Variants in BMPR1A observed in about 807,000 individuals in gnomAD.
The protein encoded by BMPR1A is bone morphogenetic protein receptor type-1A.
Under a neutral mutation model 66.0 loss-of-function variants are expected in BMPR1A, and 7 were observed. The observed-to-expected ratio is 0.11, with a 90% CI of 0.06 to 0.20. The LOEUF is 0.20. Among genes scored for constraint, BMPR1A ranks in the 10% least tolerant of loss-of-function variants. BMPR1A has a pLI of 1.00. For synonymous variants in BMPR1A, 200 were observed against 229.7 expected, an observed-to-expected ratio of 0.87 and a Z score of 1.17; for missense variants, 408 against 669.1, an observed-to-expected ratio of 0.61 and a Z score of 4.31.
chr10:86,782,625 T>C (rs1841454977), intron 1 of BMPR1A, among the ~76,000 whole-genome samples: 1 of 152,174 alleles, frequency 6.6e-6, no homozygotes, highest in Non-Finnish European at 1.5e-5. Context: ...TCATATTTTT[T>C]TTGGCCATTT....
In BMPR1A at chr10:86,845,423, C is replaced by T. The variant is rs114551565; in HGVS notation, c.-153+6444C>T. Among the ~76,000 whole-genome samples the T allele has an allele frequency of 8.5e-5, 13 of 152,288 alleles. No homozygotes were observed. In the East Asian group the frequency reaches 9.7e-4, roughly 11 times the overall value. ...AAGGTTGCTCCGTGAGCTTTAACTCCGGCAGGTCTGTGCTTGTGCCTCCAT... is the reference window on the plus strand; with the variant it reads ...AAGGTTGCTCCGTGAGCTTTAACTCTGGCAGGTCTGTGCTTGTGCCTCCAT... On this transcript the variant is annotated intron_variant, in intron 2 of 12. Transcript: ENST00000372037.
At position 86,803,615 on chromosome 10, in the gene BMPR1A, A is replaced by G. The variant is rs190723924; in HGVS notation, c.-267-35250A>G. Among the ~76,000 whole-genome samples the G allele has an allele frequency of 2.1e-3, 322 of 152,172 alleles. 1 individual carries two copies. Among genetic ancestry groups the G allele is most frequent in the Non-Finnish European group, 3.4e-3 (232 of 68,000 alleles). On this transcript the variant is annotated intron_variant, in intron 1 of 12. Coordinates refer to ENST00000372037, the MANE Select transcript of BMPR1A (RefSeq NM_004329.3). ...TTTCACCACTCTTTATTGATTTGAG[A>G]TGTTACTTTTATTATATTCTCATAT...
At chr10:86,868,602 G>A (rs1842813594) in intron 2 of BMPR1A, among the ~76,000 whole-genome samples, 1 of 152,194 alleles carries the variant, frequency 6.6e-6, no homozygotes, top group South Asian at 2.1e-4. Context: ...AGGGACCCCT[G>A]GAAAGGAGAG....
At chr10:86,768,954 ATGTT>A (rs1198049019) in intron 1 of BMPR1A, among the ~76,000 whole-genome samples, 7 of 152,222 alleles carry the variant, frequency 4.6e-5, no homozygotes, top group Non-Finnish European at 7.3e-5. Flanking sequence ...AGCTTAATGA[ATGTT>A]AGTGAAGATG....
At chr10:86,918,621 T>C (rs942938336) in intron 9 of BMPR1A, among the ~76,000 whole-genome samples, 3 of 150,498 alleles carry the variant, frequency 2.0e-5, no homozygotes, top group Non-Finnish European at 4.4e-5. Context: ...TCTTTCCTTT[T>C]CTTTTCTTTT....
chr10:86,821,978 A>AT (rs1842126075), intron 1 of BMPR1A, among the ~76,000 whole-genome samples: 4 of 151,874 alleles, frequency 2.6e-5, no homozygotes, highest in African/African-American at 2.4e-5. Flanking sequence ...TAATTTTTGT[A>AT]TTTTTTGTAG....
chr10:86,775,402 C>T (rs971511275), intron 1 of BMPR1A, among the ~76,000 whole-genome samples: 1 of 152,140 alleles, frequency 6.6e-6, no homozygotes, highest in Admixed American at 6.6e-5. Context: ...CTTTCAGTTT[C>T]CTGCTTATCT....
rs142716045 is a variant in BMPR1A at position 86,871,549 on chromosome 10, C to T, written c.-152-4318C>T. ...TCTAGGGCCAGGCGGTGGTGGCTCA[C>T]GCCTGTAATCCCAACACTTTGGGAG... On this transcript the variant is annotated intron_variant, in intron 2 of 12. Coordinates refer to ENST00000372037, the MANE Select transcript of BMPR1A (RefSeq NM_004329.3). Among the ~76,000 whole-genome samples, 20 of 152,280 alleles carry T rather than the reference C, an allele frequency of 1.3e-4. No individual in the cohort carries two copies. The East Asian group carries it at 3.7e-3, about 28-fold the overall frequency.
intron 1 of BMPR1A, among the ~76,000 whole-genome samples, chr10:86,809,539 C>G (rs1482629040): frequency 6.6e-6 from 1 of 151,532 alleles, no homozygotes; most frequent in Non-Finnish European, 1.5e-5. Context: ...AGTGATCCTC[C>G]TGCCTCAGTC....
downstream of BMPR1A, chr10:86,932,344 C>A (rs1224017315): frequency 1.3e-5 from 2 of 152,140 alleles, no homozygotes; most frequent in Non-Finnish European, 2.9e-5. Context: ...AATCTATAGA[C>A]CTTACTGAAG....
rs562295511 is a variant in BMPR1A, at chr10:86,863,326, ATG to A, written c.-152-12539_-152-12538del. Among the ~76,000 whole-genome samples the A allele has an allele frequency of 1.0e-3, 153 of 152,230 alleles. 1 individual carries two copies. Among genetic ancestry groups the A allele is most frequent in the African/African-American group, 3.5e-3 (144 of 41,536 alleles). On this transcript the variant is annotated intron_variant, in intron 2 of 12. Transcript: ENST00000372037. ...ATAGCAGCCTGTGTTTTCTTTTCAG[ATG>A]TTATCAAGTATCTTTTCTGGTAAGA...
intron 1 of BMPR1A, among the ~76,000 whole-genome samples, chr10:86,796,616 G>T (rs553653933): frequency 6.6e-6 from 1 of 150,766 alleles, no homozygotes; most frequent in Non-Finnish European, 1.5e-5. Context: ...TCTCTCTGTT[G>T]CCCAGGCTGG....
At chr10:86,858,473 G>T (rs904326781) in intron 2 of BMPR1A, among the ~76,000 whole-genome samples, 7 of 152,090 alleles carry the variant, frequency 4.6e-5, no homozygotes, top group African/African-American at 1.7e-4. Flanking sequence ...GGCAAGAGAA[G>T]GAAATAAAGG....
At chr10:86,775,326 C>A (rs1329743234) in intron 1 of BMPR1A, among the ~76,000 whole-genome samples, 2 of 152,138 alleles carry the variant, frequency 1.3e-5, no homozygotes, top group African/African-American at 4.8e-5. Flanking sequence ...TAATCTTTGG[C>A]CTGCTTGTCA....
chr10:86,911,202 A>G (rs1338837943), intron 7 of BMPR1A, among the ~76,000 whole-genome samples: 1 of 151,576 alleles, frequency 6.6e-6, no homozygotes, highest in Non-Finnish European at 1.5e-5. Flanking sequence ...ATATTTCTTG[A>G]CATTAGGATT....
chr10:86,766,786 T>A (rs1841170116), intron 1 of BMPR1A, among the ~76,000 whole-genome samples: 1 of 152,012 alleles, frequency 6.6e-6, no homozygotes, highest in African/African-American at 2.4e-5. Flanking sequence ...TTTTTTGTAT[T>A]TTTAGTGGAG....
At chr10:86,835,548 TCAAAA>T (rs1322038840) in intron 1 of BMPR1A, among the ~76,000 whole-genome samples, 52 of 11,276 alleles carry the variant, frequency 4.6e-3, no homozygotes, top group Non-Finnish European at 7.1e-3. Flanking sequence ...AGACTCTGTA[TCAAAA>T]AAAAAAAAAA....
chr10:86,804,949 G>C (rs1173883801), intron 1 of BMPR1A, among the ~76,000 whole-genome samples: 6 of 152,016 alleles, frequency 3.9e-5, no homozygotes, highest in Non-Finnish European at 8.8e-5. Context: ...TCCCTTTAAA[G>C]GTACCAGGGA....
intron 1 of BMPR1A, among the ~76,000 whole-genome samples, chr10:86,797,376 G>A (rs11202188): frequency 0.23 from 35,476 of 151,460 alleles, 5,246 homozygotes; most frequent in East Asian, 0.66. Context: ...GATTACAGGC[G>A]CCCACCACTA....
Sources: allele counts gnomAD v4.1 joint callset (sites outside exome capture counted in the v4.1 genomes callset), GRCh38; gene constraint gnomAD v4.1.1; transcripts MANE v1.5; gene names NCBI Gene and HGNC (gene_info 2026-07-23, HGNC 2026-07-21).